Variants in PDLIM5 observed in about 807,000 individuals in gnomAD.
PDLIM5 encodes the protein PDZ and LIM domain protein 5.
PDLIM5 carries 34 observed loss-of-function variants against 64.2 expected under a neutral mutation model. The observed-to-expected ratio is 0.53, with a 90% CI of 0.40 to 0.71. The LOEUF is 0.71. Ranked by LOEUF, PDLIM5 falls within the 30% of genes least tolerant of loss-of-function variation. The pLI, the probability that PDLIM5 is intolerant of heterozygous loss-of-function variation, is 0.00. For missense variants in PDLIM5, 683 were observed against 733.6 expected, an observed-to-expected ratio of 0.93 and a Z score of 0.80; for synonymous variants, 253 against 269.1, an observed-to-expected ratio of 0.94 and a Z score of 0.59.
chr4:94,651,145 A>T (rs1391149331), intron 9 of PDLIM5, among the ~76,000 whole-genome samples: 5 of 152,188 alleles, frequency 3.3e-5, no homozygotes. Context: ...AGAAGAAAAC[A>T]CTTTGCTATA....
At chr4:94,469,161 T>C (rs1376299413) in intron 2 of PDLIM5, among the ~76,000 whole-genome samples, 2 of 152,212 alleles carry the variant, frequency 1.3e-5, no homozygotes, top group Admixed American at 1.3e-4. Context: ...TGTACTGTTG[T>C]ATGCACTGAA....
chr4:94,619,054 C>G (rs1327668866), intron 8 of PDLIM5, among the ~76,000 whole-genome samples: 2 of 152,176 alleles, frequency 1.3e-5, no homozygotes, highest in Admixed American at 1.3e-4. Flanking sequence ...CCTGGTGGCA[C>G]CTCAAATCCA....
intron 7 of PDLIM5, chr4:94,587,151 A>G: frequency 6.6e-7 from 1 of 1,520,876 alleles, no homozygotes; most frequent in Non-Finnish European, 8.7e-7. Context: ...TCAACTTCAT[A>G]GCAAAATCTG....
At chr4:94,650,067 A>G (rs775828548) in intron 9 of PDLIM5, among the ~76,000 whole-genome samples, 4 of 151,974 alleles carry the variant, frequency 2.6e-5, no homozygotes, top group Non-Finnish European at 5.9e-5. Context: ...GAAAGTTTGC[A>G]TATAATCCAC....
At chr4:94,587,355 A>G in intron 7 of PDLIM5, 1 of 1,186,758 alleles carries the variant, frequency 8.4e-7, no homozygotes, top group Non-Finnish European at 1.0e-6. Flanking sequence ...TGTTGTGATT[A>G]GGGTAGTAAT....
chr4:94,546,038 G>A (rs1404990162), intron 3 of PDLIM5, among the ~76,000 whole-genome samples: 3 of 152,146 alleles, frequency 2.0e-5, no homozygotes, highest in Admixed American at 2.0e-4. Flanking sequence ...GCAAAAAGCT[G>A]TGAGGTTGTA....
chr4:94,609,704 G>A (rs1188719133), intron 7 of PDLIM5, among the ~76,000 whole-genome samples: 4 of 151,976 alleles, frequency 2.6e-5, no homozygotes, highest in African/African-American at 9.7e-5. Context: ...AACATAAGTC[G>A]TATTAAAATG....
chr4:94,533,064 T>C lies in PDLIM5; in HGVS notation c.248+9189T>C, dbSNP rs560395300. 3.9e-5 allele frequency among the ~76,000 whole-genome samples: 6 copies of C among 152,304 alleles called. No individual in the cohort carries two copies. In the East Asian group the frequency reaches 1.2e-3, roughly 29 times the overall value. On this transcript the variant is annotated intron_variant, in intron 3 of 12. Transcript: ENST00000317968. ...ACATCACGCACACTGGAAGAGACCA[T>C]AATTGTCAATCAACAAATCAATCAG...
At chr4:94,601,268 T>C (rs528805914) in intron 7 of PDLIM5, among the ~76,000 whole-genome samples, 4 of 152,270 alleles carry the variant, frequency 2.6e-5, no homozygotes, top group South Asian at 2.1e-4. Flanking sequence ...TATCCTCATA[T>C]GGTAGGAGAG....
intron 9 of PDLIM5, among the ~76,000 whole-genome samples, chr4:94,652,863 A>G (rs978033392): frequency 6.6e-6 from 1 of 152,084 alleles, no homozygotes; most frequent in Non-Finnish European, 1.5e-5. Context: ...CTTACACCCC[A>G]CGTAAAAATT....
chr4:94,480,687 A>G (rs952320851), intron 2 of PDLIM5, among the ~76,000 whole-genome samples: 6 of 152,210 alleles, frequency 3.9e-5, no homozygotes, highest in Non-Finnish European at 7.3e-5. Flanking sequence ...TCTACCCTTC[A>G]GACCTCTGCC....
Position 94,497,919 on chromosome 4 carries a change from A to T in PDLIM5, c.97-25805A>T, listed in dbSNP as rs545226463. On this transcript the variant is annotated intron_variant, in intron 2 of 12. Transcript: ENST00000317968. ...AAGGCTTTGGATGCTGAGAGAAGGA[A>T]CTCAGGATACCTGTTTGTAAGGGAA... is the stretch of plus-strand genomic sequence containing the variant. Among the ~76,000 whole-genome samples the T allele has an allele frequency of 3.9e-5, 6 of 152,172 alleles. No homozygotes were observed. In the East Asian group the frequency reaches 1.2e-3, roughly 29 times the overall value.
chr4:94,497,031 A>G (rs1727463887), intron 2 of PDLIM5, among the ~76,000 whole-genome samples: 1 of 152,338 alleles, frequency 6.6e-6, no homozygotes, highest in African/African-American at 2.4e-5. Flanking sequence ...TAGAAGGTTT[A>G]TGCCAAGCAA....
intron 3 of PDLIM5, among the ~76,000 whole-genome samples, chr4:94,540,588 A>G (rs1229596726): frequency 3.9e-5 from 6 of 152,204 alleles, no homozygotes; most frequent in African/African-American, 1.4e-4. Flanking sequence ...GTGGGAACTA[A>G]TGAAGGCCTG....
chr4:94,562,222 A>C (rs751270090), intron 3 of PDLIM5, among the ~76,000 whole-genome samples: 1 of 152,122 alleles, frequency 6.6e-6, no homozygotes, highest in Non-Finnish European at 1.5e-5. Context: ...CTTTGAGTCA[A>C]GGTTGGTGTT....
chr4:94,638,286 A>G (rs1553976145), intron 8 of PDLIM5, among the ~76,000 whole-genome samples: 2 of 152,226 alleles, frequency 1.3e-5, no homozygotes, highest in Admixed American at 6.5e-5. Flanking sequence ...TGAATATTAC[A>G]GCACTTTTCT....
chr4:94,537,069 C>T (rs1731382995), intron 3 of PDLIM5, among the ~76,000 whole-genome samples: 1 of 152,104 alleles, frequency 6.6e-6, no homozygotes, highest in Non-Finnish European at 1.5e-5. Flanking sequence ...TGCCGTGATC[C>T]CTGTTAATAC....
At chr4:94,523,239 C>G (rs973008683) in intron 2 of PDLIM5, among the ~76,000 whole-genome samples, 1 of 152,202 alleles carries the variant, frequency 6.6e-6, no homozygotes, top group Non-Finnish European at 1.5e-5. Flanking sequence ...TGGATATGAA[C>G]TGGACTCAAC....
intron 11 of PDLIM5, among the ~76,000 whole-genome samples, chr4:94,659,482 ATATATGTGTGTATGTGTGTGTG>A (rs1169367112): frequency 1.5e-5 from 2 of 133,650 alleles, no homozygotes; most frequent in African/African-American, 5.8e-5. Context: ...CAGCTGTAGT[ATATATGTGTGTATGTGTGTGTG>A]TGTGTGTGTG....
Sources: allele counts gnomAD v4.1 joint callset (sites outside exome capture counted in the v4.1 genomes callset), GRCh38; gene constraint gnomAD v4.1.1; transcripts MANE v1.5; gene names NCBI Gene and HGNC (gene_info 2026-07-23, HGNC 2026-07-21).